CAST: variants seen among roughly 807,000 people sequenced by gnomAD.
CAST encodes MIR583 host.
CAST carries 76 observed loss-of-function variants against 119.6 expected under a neutral mutation model. That is an observed-to-expected ratio of 0.64 (90% CI 0.53 to 0.77). CAST has a LOEUF of 0.77. Ranked by LOEUF, CAST falls within the 30% of genes least tolerant of loss-of-function variation. The pLI, the probability that CAST is intolerant of heterozygous loss-of-function variation, is 0.00. For synonymous variants in CAST, 319 were observed against 331.6 expected, an observed-to-expected ratio of 0.96 and a Z score of 0.41; for missense variants, 953 against 946.5, an observed-to-expected ratio of 1.01 and a Z score of -0.09.
the CAST span, among the ~76,000 whole-genome samples, chr5:96,175,236 T>C: frequency 6.6e-6 from 1 of 152,192 alleles, no homozygotes; most frequent in Non-Finnish European, 1.5e-5. Flanking sequence ...AACTCATCAG[T>C]TGGCCGGTTA....
the CAST span, chr5:96,400,240 A>C: frequency 4.9e-6 from 6 of 1,223,748 alleles, no homozygotes; most frequent in Admixed American, 1.0e-4. Flanking sequence ...GTTTCCTTGC[A>C]AAAGCAAGTG....
At chr5:96,725,058 C>G (rs1759010012) in intron 4 of CAST, among the ~76,000 whole-genome samples, 1 of 152,128 alleles carries the variant, frequency 6.6e-6, no homozygotes, top group Non-Finnish European at 1.5e-5. Context: ...TCACCCTTCT[C>G]TAAGCATTAA....
chr5:96,284,338 A>C, the CAST span, among the ~76,000 whole-genome samples: 1 of 152,158 alleles, frequency 6.6e-6, no homozygotes, highest in Non-Finnish European at 1.5e-5. Flanking sequence ...GGATTTTCAG[A>C]CACCCTGAAA....
chr5:96,394,623 T>A, the CAST span, among the ~76,000 whole-genome samples: 1 of 152,208 alleles, frequency 6.6e-6, no homozygotes, highest in Non-Finnish European at 1.5e-5. Flanking sequence ...GTGGAGAAAA[T>A]TCATGTTAGG....
chr5:96,638,386 A>G (rs575211963), intron 1 of CAST, among the ~76,000 whole-genome samples: 33 of 152,308 alleles, frequency 2.2e-4, no homozygotes, highest in African/African-American at 7.9e-4. Flanking sequence ...AGCCTAGGCA[A>G]CAGAGCGAGA....
At chr5:96,744,181 C>T (rs1469344883) in intron 16 of CAST, among the ~76,000 whole-genome samples, 1 of 152,124 alleles carries the variant, frequency 6.6e-6, no homozygotes, top group African/African-American at 2.4e-5. Flanking sequence ...ACTAAAATTC[C>T]AGCAAAAAGA....
the CAST span, among the ~76,000 whole-genome samples, chr5:96,211,797 G>A: frequency 6.6e-6 from 1 of 151,942 alleles, no homozygotes; most frequent in East Asian, 1.9e-4. Context: ...TTAAGATTAT[G>A]AATTCAATTT....
the CAST span, among the ~76,000 whole-genome samples, chr5:96,341,909 C>T: frequency 2.6e-5 from 4 of 152,104 alleles, no homozygotes; most frequent in Admixed American, 1.3e-4. Flanking sequence ...AATATGATTT[C>T]GTGGATTTAA....
At chr5:96,459,984 T>G in the CAST span, among the ~76,000 whole-genome samples, 1 of 152,122 alleles carries the variant, frequency 6.6e-6, no homozygotes, top group African/African-American at 2.4e-5. Context: ...GTGAACAGCT[T>G]TGGTCTTTCC....
chr5:96,661,925 G>A (rs1022300318), upstream of CAST: 5 of 154,200 alleles, frequency 3.2e-5, no homozygotes, highest in African/African-American at 1.2e-4. Flanking sequence ...TCCAGGCTTG[G>A]GCCAGATTTG....
At chr5:96,031,548 G>C in the CAST span, among the ~76,000 whole-genome samples, 1 of 152,100 alleles carries the variant, frequency 6.6e-6, no homozygotes, top group Admixed American at 6.6e-5. Context: ...CTTTGTAGTG[G>C]AAGTTACCTC....
intron 24 of CAST, 70 bp downstream of exon 24, chr5:96,757,724 T>C: frequency 9.4e-7 from 1 of 1,058,880 alleles, no homozygotes; most frequent in Non-Finnish European, 1.4e-6. Flanking sequence ...GGAGTCTTGC[T>C]CTGTCATCCA....
At chr5:96,056,923 AT>A in the CAST span, among the ~76,000 whole-genome samples, 2 of 152,090 alleles carry the variant, frequency 1.3e-5, no homozygotes, top group Non-Finnish European at 2.9e-5. Flanking sequence ...TATTACAAAA[AT>A]TTTTTTAGAC....
At chr5:96,050,492 C>T in the CAST span, among the ~76,000 whole-genome samples, 1 of 152,128 alleles carries the variant, frequency 6.6e-6, no homozygotes, top group African/African-American at 2.4e-5. Context: ...TGGATAAAAA[C>T]AGATAAAAGT....
the CAST span, chr5:96,215,295 A>G: frequency 6.6e-6 from 1 of 152,216 alleles, no homozygotes; most frequent in Admixed American, 6.5e-5. Flanking sequence ...TTACTGTATT[A>G]TAACTTGAAA....
At chr5:96,354,437 A>G in the CAST span, among the ~76,000 whole-genome samples, 1 of 152,124 alleles carries the variant, frequency 6.6e-6, no homozygotes, top group African/African-American at 2.4e-5. Context: ...ATTGGTATTG[A>G]CCGCATTTCA....
At chr5:95,967,416 T>TTAGAATAAATAAA in the CAST span, among the ~76,000 whole-genome samples, 1 of 144,514 alleles carries the variant, frequency 6.9e-6, no homozygotes, top group Non-Finnish European at 1.5e-5. Context: ...GACCCTATCT[T>TTAGAATAAATAAA]TAAATAAATA....
At chr5:96,404,933 T>C in the CAST span, among the ~76,000 whole-genome samples, 1 of 152,222 alleles carries the variant, frequency 6.6e-6, no homozygotes, top group Non-Finnish European at 1.5e-5. Flanking sequence ...CAATATTGGG[T>C]GCCATTATTC....
At chr5:96,165,388 C>A in the CAST span, among the ~76,000 whole-genome samples, 1 of 152,024 alleles carries the variant, frequency 6.6e-6, no homozygotes, top group Non-Finnish European at 1.5e-5. Context: ...GTATTAAGAA[C>A]TTTAAAGAGT....
Sources: gnomAD v4.1 joint callset for allele counts (sites outside exome capture counted in the v4.1 genomes callset) on GRCh38, gnomAD v4.1.1 for gene constraint, MANE v1.5 for transcripts, NCBI Gene and HGNC (gene_info 2026-07-23, HGNC 2026-07-21) for gene names.